The following KLRG1 variants were observed in gnomAD, a reference collection of about 807,000 sequenced individuals.
KLRG1 encodes the protein killer cell lectin-like receptor subfamily G member 1.
A neutral mutation model predicts 21.8 loss-of-function variants in KLRG1; 16 were observed. That is an observed-to-expected ratio of 0.73 (90% CI 0.50 to 1.11). The LOEUF is 1.11. Ranked by LOEUF, KLRG1 falls within the 50% of genes most tolerant of loss-of-function variation. The probability of loss-of-function intolerance (pLI) is 0.00; values close to 1 mark genes in which losing one functional copy is unlikely to be tolerated. For missense variants in KLRG1, 173 were observed against 218.3 expected (o/e 0.79, Z 1.31); for synonymous variants, 69 against 75.9 (o/e 0.91, Z 0.47).
the KLRG1 span, among the ~76,000 whole-genome samples, chr12:9,118,988 G>A: frequency 6.6e-6 from 1 of 152,190 alleles, no homozygotes; most frequent in East Asian, 1.9e-4. Context: ...GCACCCAAGT[G>A]GAGCAAGAAG....
the KLRG1 span, among the ~76,000 whole-genome samples, chr12:9,022,480 C>A: frequency 6.6e-6 from 1 of 152,126 alleles, no homozygotes; most frequent in Non-Finnish European, 1.5e-5. Context: ...CTCCCATTTC[C>A]TGACATATAG....
chr12:9,120,300 T>C, the KLRG1 span, among the ~76,000 whole-genome samples: 1 of 152,052 alleles, frequency 6.6e-6, no homozygotes, highest in East Asian at 1.9e-4. Flanking sequence ...TTCTATACAG[T>C]TTTGAAGTAT....
the KLRG1 span, chr12:9,094,918 A>T: frequency 1.0e-6 from 1 of 994,972 alleles, no homozygotes; most frequent in Non-Finnish European, 1.4e-6. Context: ...CTTTTAAAAA[A>T]TTTAAAATTT....
the KLRG1 span, chr12:9,154,744 A>T: frequency 5.6e-6 from 9 of 1,614,038 alleles, no homozygotes; most frequent in Admixed American, 1.0e-4. Context: ...AGCACATAGG[A>T]TGTCATCTCC....
chr12:8,958,952 T>C (rs1446309839), intron 1 of KLRG1, among the ~76,000 whole-genome samples: 2 of 152,178 alleles, frequency 1.3e-5, no homozygotes, highest in Non-Finnish European at 2.9e-5. Context: ...TTGAGTCTTA[T>C]AATTCATGAA....
chr12:9,091,172 T>G, the KLRG1 span: 56 of 1,601,618 alleles, frequency 3.5e-5, no homozygotes, highest in Non-Finnish European at 4.5e-5. Flanking sequence ...ATGGCTACCT[T>G]GTATTTAATT....
At chr12:9,207,483 AG>A in the KLRG1 span, among the ~76,000 whole-genome samples, 1 of 152,198 alleles carries the variant, frequency 6.6e-6, no homozygotes, top group Non-Finnish European at 1.5e-5. Flanking sequence ...ATAGTATTTG[AG>A]GCAGGATGCA....
upstream of KLRG1, among the ~76,000 whole-genome samples, chr12:8,985,846 AT>A (rs1946835151): frequency 6.6e-6 from 1 of 152,116 alleles, no homozygotes; most frequent in Admixed American, 6.5e-5. Context: ...GGACATCAGC[AT>A]TCTTGCTGCT....
At chr12:9,007,993 C>T (rs1288670261) in intron 3 of KLRG1, among the ~76,000 whole-genome samples, 1 of 151,976 alleles carries the variant, frequency 6.6e-6, no homozygotes, top group Non-Finnish European at 1.5e-5. Flanking sequence ...TAAACTTCTT[C>T]ATTTGAATGT....
In KLRG1 at chr12:8,995,232, G is replaced by C; in HGVS notation, c.301G>C (p.Glu101Gln). The C allele has an allele frequency of 3.1e-6, 5 of 1,613,780 alleles. No homozygotes were observed. The highest frequency in any genetic ancestry group is 4.2e-6 in the Non-Finnish European group (5 of 1,179,822). The change falls in exon 3 of 5, where the codon GAA (glutamate) becomes CAA (glutamine). Residue 101 changes from glutamate (E) to glutamine (Q), a missense_variant. Physicochemically the swap from Glu to Gln is conservative, Grantham distance 29. Transcript: ENST00000356986. ...GGAAAAGGACTGGAATTCTAGTCTG[G>C]AATTCTGCCTAGCCAGAGACTCACA... ...VEEKDWNSSL[E>Q]FCLARDSHLL...
chr12:9,194,236 C>T, the KLRG1 span: 1 of 1,613,580 alleles, frequency 6.2e-7, no homozygotes, highest in Non-Finnish European at 8.5e-7. Context: ...CCACCAGAAG[C>T]ACCTAAAGAA....
the KLRG1 span, among the ~76,000 whole-genome samples, chr12:9,194,735 A>C: frequency 1.3e-5 from 2 of 152,094 alleles, no homozygotes; most frequent in Non-Finnish European, 2.9e-5. Flanking sequence ...AAGTGCTGGG[A>C]TTACAGGCGT....
At chr12:9,196,139 C>T in the KLRG1 span, among the ~76,000 whole-genome samples, 8 of 152,112 alleles carry the variant, frequency 5.3e-5, no homozygotes, top group Non-Finnish European at 8.8e-5. Context: ...CTCTGATTCT[C>T]ATAATAATTT....
At chr12:9,055,098 G>A in the KLRG1 span, among the ~76,000 whole-genome samples, 1 of 152,154 alleles carries the variant, frequency 6.6e-6, no homozygotes, top group African/African-American at 2.4e-5. Context: ...TCAACCCAAA[G>A]TCATACAAAT....
the KLRG1 span, among the ~76,000 whole-genome samples, chr12:9,093,918 A>AACAG: frequency 6.6e-6 from 1 of 151,498 alleles, no homozygotes; most frequent in Admixed American, 6.6e-5. Context: ...CAAACAAACA[A>AACAG]CAAAAAAAAA....
At chr12:9,115,722 G>A in the KLRG1 span, 52 of 1,456,416 alleles carry the variant, frequency 3.6e-5, no homozygotes, top group African/African-American at 7.0e-4. Flanking sequence ...AATAAATGAA[G>A]GACTCTAGGT....
chr12:9,127,984 A>G, the KLRG1 span: 3 of 307,466 alleles, frequency 9.8e-6, no homozygotes, highest in East Asian at 1.9e-4. Context: ...CTGGCTGCAG[A>G]TCACTTCCGA....
At chr12:9,169,319 A>G in the KLRG1 span, 3 of 1,093,786 alleles carry the variant, frequency 2.7e-6, no homozygotes, top group African/African-American at 4.9e-5. Context: ...TTGTCTGCTG[A>G]AAAATGGAGA....
the KLRG1 span, chr12:9,065,836 A>T: frequency 6.6e-6 from 1 of 152,290 alleles, no homozygotes; most frequent in African/African-American, 2.4e-5. Context: ...ACTCAGCTAG[A>T]TTGGAAGAGA....
Sources: allele counts gnomAD v4.1 joint callset (sites outside exome capture counted in the v4.1 genomes callset), GRCh38; gene constraint gnomAD v4.1.1; transcripts MANE v1.5; gene names NCBI Gene and HGNC (gene_info 2026-07-23, HGNC 2026-07-21).